The following DIAPH2 variants were observed in gnomAD, a reference collection of about 807,000 sequenced individuals.
DIAPH2 encodes diaphanous related formin 2, also known as protein diaphanous homolog 2.
Under a neutral mutation model 92.7 loss-of-function variants are expected in DIAPH2, and 35 were observed. That is an observed-to-expected ratio of 0.38 (90% CI 0.29 to 0.50). The LOEUF is 0.50. Among genes scored for constraint, DIAPH2 ranks in the 20% least tolerant of loss-of-function variants. The probability of loss-of-function intolerance (pLI) is 0.94; values close to 1 mark genes in which losing one functional copy is unlikely to be tolerated. For synonymous variants in DIAPH2, 301 were observed against 280.4 expected, an observed-to-expected ratio of 1.07 and a Z score of -0.73; for missense variants, 701 against 819.5, an observed-to-expected ratio of 0.86 and a Z score of 1.77.
At chrX:97,589,010 T>TATATATATATAA (rs2071497867) in intron 26 of DIAPH2, among the ~76,000 whole-genome samples, 1 of 73,397 alleles carries the variant, frequency 1.4e-5, no homozygotes, top group Non-Finnish European at 2.7e-5. Context: ...TATATATATA[T>TATATATATATAA]ATATATATAT....
At chrX:96,767,021 A>G (rs2064308447) in intron 4 of DIAPH2, among the ~76,000 whole-genome samples, 1 of 111,585 alleles carries the variant, frequency 9.0e-6, no homozygotes, top group Admixed American at 9.5e-5. Flanking sequence ...CATTCTAGCC[A>G]TCCTCCACAG....
chrX:97,300,306 G>A (rs2068682363), intron 23 of DIAPH2, among the ~76,000 whole-genome samples: 1 of 111,788 alleles, frequency 8.9e-6, no homozygotes, highest in Admixed American at 9.6e-5. Context: ...ATGTGAATAA[G>A]ACATCATATC....
chrX:96,966,075 A>T (rs1422874149), intron 17 of DIAPH2, among the ~76,000 whole-genome samples: 2 of 111,548 alleles, frequency 1.8e-5, no homozygotes, highest in East Asian at 5.6e-4. Flanking sequence ...AAATTTTGGA[A>T]GATAGAGAGG....
chrX:97,501,661 A>G (rs1403466539), intron 26 of DIAPH2, among the ~76,000 whole-genome samples: 1 of 111,471 alleles, frequency 9.0e-6, no homozygotes, highest in East Asian at 2.8e-4. Context: ...TTATTTATAT[A>G]CTGTTGTGTG....
At chrX:96,988,334 A>G (rs2066046203) in intron 17 of DIAPH2, among the ~76,000 whole-genome samples, 2 of 111,074 alleles carry the variant, frequency 1.8e-5, no homozygotes, top group South Asian at 7.6e-4. Flanking sequence ...GGTTATGGAA[A>G]ATAACTTTAA....
intron 17 of DIAPH2, among the ~76,000 whole-genome samples, chrX:97,019,638 T>G (rs973253903): frequency 9.0e-6 from 1 of 111,233 alleles, no homozygotes; most frequent in African/African-American, 3.3e-5. Flanking sequence ...ATATACGGAA[T>G]ATATATATTC....
At chrX:97,268,150 C>T (rs776954476) in intron 23 of DIAPH2, among the ~76,000 whole-genome samples, 9 of 112,256 alleles carry the variant, frequency 8.0e-5, no homozygotes, top group African/African-American at 2.9e-4. Context: ...GTGTTTTTCC[C>T]GTGTTGCTCT....
chrX:96,927,631 T>C (rs933174962), intron 9 of DIAPH2, among the ~76,000 whole-genome samples: 1 of 111,540 alleles, frequency 9.0e-6, no homozygotes, highest in African/African-American at 3.3e-5. Flanking sequence ...TATTTAATTG[T>C]AATTAAATTA....
intron 1 of DIAPH2, among the ~76,000 whole-genome samples, chrX:96,724,700 A>G (rs1012667894): frequency 1.8e-5 from 2 of 112,335 alleles, no homozygotes; most frequent in East Asian, 5.5e-4. Flanking sequence ...TTGATTATAT[A>G]AAATACATCA....
chrX:96,807,136 G>A (rs2064634422), intron 4 of DIAPH2, among the ~76,000 whole-genome samples: 1 of 112,048 alleles, frequency 8.9e-6, no homozygotes, highest in Admixed American at 9.4e-5. Context: ...CAACAAAGAA[G>A]GATAGGCATA....
intron 9 of DIAPH2, among the ~76,000 whole-genome samples, chrX:96,919,999 G>C (rs1159908864): frequency 9.1e-6 from 1 of 109,581 alleles, no homozygotes; most frequent in African/African-American, 3.3e-5. Flanking sequence ...CCCTGCCTCA[G>C]CCTCCCAAGT....
chrX:96,884,511 G>A, intron 5 of DIAPH2: 1 of 1,208,461 alleles, frequency 8.3e-7, no homozygotes, highest in Non-Finnish European at 1.1e-6. Flanking sequence ...TCAAGGTTAG[G>A]GGAATTATAG....
chrX:97,474,112 CAG>C (rs1241436543), intron 26 of DIAPH2, among the ~76,000 whole-genome samples: 2 of 112,549 alleles, frequency 1.8e-5, no homozygotes, highest in Admixed American at 1.9e-4. Context: ...GCAATTGTGA[CAG>C]AGACTCTGTG....
At chrX:97,377,981 C>A (rs1427033963) in intron 24 of DIAPH2, among the ~76,000 whole-genome samples, 8 of 107,816 alleles carry the variant, frequency 7.4e-5, no homozygotes, top group South Asian at 4.0e-4. Flanking sequence ...CAAAAAAAAA[C>A]CCAGAAAACT....
intron 23 of DIAPH2, among the ~76,000 whole-genome samples, chrX:97,309,131 C>T (rs186428195): frequency 6.3e-4 from 69 of 108,821 alleles, no homozygotes; most frequent in Admixed American, 4.9e-4. Context: ...GACGGAGTCT[C>T]GCTGTGTCAT....
chrX:96,973,485 C>A (rs1208762343), intron 17 of DIAPH2, among the ~76,000 whole-genome samples: 1 of 110,966 alleles, frequency 9.0e-6, no homozygotes, highest in Non-Finnish European at 1.9e-5. Flanking sequence ...ATGGCAGAGT[C>A]TCAAAAGAAA....
At chrX:96,813,933 C>G (rs1347690117) in intron 4 of DIAPH2, among the ~76,000 whole-genome samples, 5 of 111,729 alleles carry the variant, frequency 4.5e-5, no homozygotes, top group African/African-American at 1.3e-4. Context: ...GTAACCCAAC[C>G]TTTCTCTCTG....
chrX:97,416,870 TCTC>T (rs1176652829), intron 25 of DIAPH2, among the ~76,000 whole-genome samples: 4 of 112,412 alleles, frequency 3.6e-5, no homozygotes, highest in African/African-American at 9.7e-5. Flanking sequence ...CTCTTTTCCT[TCTC>T]CTTCTTCCCT....
intron 26 of DIAPH2, among the ~76,000 whole-genome samples, chrX:97,548,210 C>G (rs1248250963): frequency 8.9e-6 from 1 of 111,931 alleles, no homozygotes; most frequent in African/African-American, 3.2e-5. Flanking sequence ...TTGTGTGTGT[C>G]TCTCTCTTTC....
Sources: allele counts gnomAD v4.1 joint callset (sites outside exome capture counted in the v4.1 genomes callset), GRCh38; gene constraint gnomAD v4.1.1; transcripts MANE v1.5; gene names NCBI Gene and HGNC (gene_info 2026-07-23, HGNC 2026-07-21).